Variants in MTHFD2 observed in about 807,000 individuals in gnomAD.
The protein encoded by MTHFD2 is methylenetetrahydrofolate dehydrogenase (NADP+ dependent) 2, methenyltetrahydrofolate cyclohydrolase, also known as bifunctional methylenetetrahydrofolate dehydrogenase/cyclohydrolase, mitochondrial.
A neutral mutation model predicts 36.8 loss-of-function variants in MTHFD2; 26 were observed. The observed-to-expected ratio is 0.71, with a 90% CI of 0.52 to 0.98. The LOEUF (loss-of-function observed/expected upper bound fraction) is 0.98, where lower values mean the gene tolerates loss of function less well. Ranked by LOEUF, MTHFD2 falls within the 50% of genes least tolerant of loss-of-function variation. The pLI, the probability that MTHFD2 is intolerant of heterozygous loss-of-function variation, is 0.00. For missense variants in MTHFD2, 373 were observed against 434.0 expected (o/e 0.86, Z 1.25); for synonymous variants, 164 against 155.2 (o/e 1.06, Z -0.42).
In MTHFD2 at chr2:74,205,567, C is replaced by T; in HGVS notation, c.102-138C>T. On this transcript the variant is annotated intron_variant, in intron 1 of 7. Coordinates refer to ENST00000394053, the MANE Select transcript of MTHFD2 (RefSeq NM_006636.4). Reference sequence around the variant, plus strand: ...CCATGTTGCCCAGGCCAGTCTCAAACTCCTGGGCTCAAGCCATCCTCCTGC... The same window carrying T: ...CCATGTTGCCCAGGCCAGTCTCAAATTCCTGGGCTCAAGCCATCCTCCTGC... 4.8e-6 allele frequency: 4 copies of T among 834,484 alleles called. No individual in the cohort carries two copies. In the South Asian group the frequency reaches 7.2e-5, roughly 15 times the overall value. 51.7% of individuals were successfully genotyped at this position (834,484 alleles called of 1,614,324 possible). A position where few individuals can be genotyped will look rare whatever the true frequency, so the allele number is the denominator to read the frequency against.
chr2:74,202,444 C>T (rs932560558), intron 1 of MTHFD2, among the ~76,000 whole-genome samples: 1 of 152,118 alleles, frequency 6.6e-6, no homozygotes, highest in East Asian at 1.9e-4. Flanking sequence ...GTGGGCATTC[C>T]AGGTACTAAT....
chr2:74,204,487 A>G (rs1427468004), intron 1 of MTHFD2, among the ~76,000 whole-genome samples: 5 of 152,078 alleles, frequency 3.3e-5, no homozygotes, highest in Non-Finnish European at 5.9e-5. Context: ...TATTCTGCCT[A>G]TTCTTTCTGT....
intron 4 of MTHFD2, among the ~76,000 whole-genome samples, 199 bp downstream of exon 4, chr2:74,208,920 C>T (rs1694244189): frequency 6.6e-6 from 1 of 152,100 alleles, no homozygotes; most frequent in Non-Finnish European, 1.5e-5. Flanking sequence ...GTCACCCAGG[C>T]TGGAGTGCAG....
chr2:74,213,514 C>T (rs944573499), intron 7 of MTHFD2, among the ~76,000 whole-genome samples: 2 of 151,940 alleles, frequency 1.3e-5, no homozygotes, highest in Non-Finnish European at 2.9e-5. Flanking sequence ...TGGCCTCAAA[C>T]AATCTCCCCC....
chr2:74,200,098 A>ATG (rs1694008290), intron 1 of MTHFD2, among the ~76,000 whole-genome samples: 1 of 152,318 alleles, frequency 6.6e-6, no homozygotes, highest in South Asian at 2.1e-4. Context: ...TGTTGGAGCA[A>ATG]TGAGTTCTTG....
At chr2:74,199,707 C>CAAAAAAA (rs34436782) in intron 1 of MTHFD2, among the ~76,000 whole-genome samples, 1 of 103,628 alleles carries the variant, frequency 9.6e-6, no homozygotes. Flanking sequence ...GACCCTGTCT[C>CAAAAAAA]AAAAAAAAAA....
At position 74,205,763 on chromosome 2, in the gene MTHFD2, C is replaced by T. The variant is rs747820994; in HGVS notation, c.160C>T (p.Arg54Trp). Residue 54 changes from arginine to tryptophan, a missense_variant, in exon 2 of 8, where the codon CGG (arginine) becomes TGG (tryptophan). This residue lies in a region of MTHFD2 where 308 missense variants were observed against 397.8 expected (regional missense o/e 0.77). Coordinates refer to ENST00000394053, the MANE Select transcript of MTHFD2 (RefSeq NM_006636.4). ...GGCCCAGCAGATCAAGCAGGAAGTGCGGCAGGAGGTAGAAGAGTGGGTGGC... is the reference window on the plus strand; with the variant it reads ...GGCCCAGCAGATCAAGCAGGAAGTGTGGCAGGAGGTAGAAGAGTGGGTGGC... ...KLAQQIKQEV[R>W]QEVEEWVASG... 9.9e-6 allele frequency: 16 copies of T among 1,613,492 alleles called. No individual in the cohort carries two copies. The highest frequency in any genetic ancestry group is 5.5e-5 in the South Asian group (5 of 91,048).
At chr2:74,199,126 G>C (rs996232902) in intron 1 of MTHFD2, among the ~76,000 whole-genome samples, 3 of 152,224 alleles carry the variant, frequency 2.0e-5, no homozygotes, top group African/African-American at 7.2e-5. Flanking sequence ...AGAGTCGTCT[G>C]GGGGAGAACA....
At chr2:74,211,430 A>G (rs1319981076) in intron 6 of MTHFD2, 139 bp downstream of exon 6, 1 of 614,502 alleles carries the variant, frequency 1.6e-6, no homozygotes, top group Admixed American at 3.2e-5. Flanking sequence ...AAAGATGAGG[A>G]TAGAGTTGTG....
At chr2:74,203,901 GTTTAGTTAGT>G (rs761221397) in intron 1 of MTHFD2, among the ~76,000 whole-genome samples, 1,940 of 29,080 alleles carry the variant, frequency 0.067, 25 homozygotes, top group Non-Finnish European at 0.087. Flanking sequence ...GTTTAGTTTA[GTTTAGTTAGT>G]TTAGTTTAGT....
chr2:74,213,147 G>A (rs890295783), intron 7 of MTHFD2, among the ~76,000 whole-genome samples: 6 of 151,398 alleles, frequency 4.0e-5, no homozygotes, highest in African/African-American at 9.7e-5. Flanking sequence ...CAAGTGATCC[G>A]CCTGCCTCAG....
chr2:74,211,665 A>T, intron 6 of MTHFD2, 76 bp from the exon 7 acceptor site: 1 of 1,413,234 alleles, frequency 7.1e-7, no homozygotes, highest in East Asian at 2.4e-5. Flanking sequence ...GGGTCTCTTG[A>T]AATTGAAGTT....
chr2:74,201,726 T>C (rs1694046670), intron 1 of MTHFD2, among the ~76,000 whole-genome samples: 1 of 152,234 alleles, frequency 6.6e-6, no homozygotes, highest in Admixed American at 6.5e-5. Context: ...GGATTCCCCG[T>C]GGGACTTAGC....
At chr2:74,199,769 C>G (rs1694000130) in intron 1 of MTHFD2, among the ~76,000 whole-genome samples, 1 of 144,244 alleles carries the variant, frequency 6.9e-6, no homozygotes, top group Non-Finnish European at 1.5e-5. Context: ...ACCACAATAA[C>G]AAAATTGGGA....
At chr2:74,205,264 A>G (rs886483713) in intron 1 of MTHFD2, among the ~76,000 whole-genome samples, 38 of 152,256 alleles carry the variant, frequency 2.5e-4, no homozygotes, top group African/African-American at 8.2e-4. Flanking sequence ...CAAATGGCAT[A>G]TAAGCAGATA....
intron 1 of MTHFD2, among the ~76,000 whole-genome samples, chr2:74,205,182 T>G (rs1264231739): frequency 6.6e-6 from 1 of 152,158 alleles, no homozygotes; most frequent in African/African-American, 2.4e-5. Context: ...ACCATAAAAA[T>G]GAAGTCAGTT....
At chr2:74,200,814 G>A (rs1430458363) in intron 1 of MTHFD2, among the ~76,000 whole-genome samples, 1 of 152,000 alleles carries the variant, frequency 6.6e-6, no homozygotes, top group African/African-American at 2.4e-5. Context: ...TCTCCATTAT[G>A]TCTTCCTTCA....
intron 1 of MTHFD2, among the ~76,000 whole-genome samples, chr2:74,201,387 T>C (rs1179299540): frequency 1.3e-5 from 2 of 151,714 alleles, no homozygotes; most frequent in Non-Finnish European, 2.9e-5. Context: ...GGCAGGGGAA[T>C]CTCTCCCTAG....
At position 74,214,172 on chromosome 2, in the gene MTHFD2, C is replaced by CA; in HGVS notation, c.989dup (p.Val331GlyfsTer5). Reference sequence around the variant, plus strand: ...CTAATGAAGAATACCATTATTGCTGCAAAAAAGGTGCTGAGGCTTGAAGAG... The same window carrying CA: ...CTAATGAAGAATACCATTATTGCTGCAAAAAAAGGTGCTGAGGCTTGAAGAG... On this transcript the variant is annotated frameshift_variant, in exon 8 of 8. Transcript: ENST00000394053. LOFTEE classifies it high-confidence loss of function. The CA allele has an allele frequency of 1.9e-6, 3 of 1,613,978 alleles. No individual in the cohort carries two copies. The highest frequency in any genetic ancestry group is 2.5e-6 in the Non-Finnish European group (3 of 1,179,946).
Sources: allele counts gnomAD v4.1 joint callset (sites outside exome capture counted in the v4.1 genomes callset), GRCh38; gene constraint gnomAD v4.1.1; regional missense constraint gnomAD v4.1.1; transcripts MANE v1.5; gene names NCBI Gene and HGNC (gene_info 2026-07-23, HGNC 2026-07-21).